Variants in CSMD1 observed in about 807,000 individuals in gnomAD.
CSMD1 encodes CUB and Sushi multiple domains 1.
In CSMD1, 213 loss-of-function variants were observed where a neutral mutation model predicts 417.5. That is an observed-to-expected ratio of 0.51 (90% CI 0.46 to 0.57). The LOEUF (loss-of-function observed/expected upper bound fraction) is 0.57. Ranked by LOEUF, CSMD1 falls within the 20% of genes least tolerant of loss-of-function variation. CSMD1 has a pLI of 0.00. For missense variants in CSMD1, 6,923 were observed against 4,529.7 expected (o/e 1.53, Z -15.17); for synonymous variants, 2,862 against 1,736.8 (o/e 1.65, Z -16.11).
chr8:4,796,234 G>A (rs1797973202), intron 1 of CSMD1, among the ~76,000 whole-genome samples: 1 of 151,966 alleles, frequency 6.6e-6, no homozygotes, highest in Non-Finnish European at 1.5e-5. Context: ...AAGCCTGCAT[G>A]AAAATGCCTC....
chr8:4,865,808 G>T (rs879943988), intron 1 of CSMD1, among the ~76,000 whole-genome samples: 1 of 151,608 alleles, frequency 6.6e-6, no homozygotes, highest in Non-Finnish European at 1.5e-5. Flanking sequence ...TTTTTAAAAG[G>T]TCCTCCTTTA....
chr8:4,317,724 A>C (rs917112191), intron 3 of CSMD1, among the ~76,000 whole-genome samples: 13 of 152,204 alleles, frequency 8.5e-5, no homozygotes, highest in African/African-American at 2.9e-4. Context: ...GCGATAGCTC[A>C]GCTGAGTACA....
intron 5 of CSMD1, among the ~76,000 whole-genome samples, chr8:3,993,162 G>A (rs1814890709): frequency 6.6e-6 from 1 of 152,228 alleles, no homozygotes; most frequent in Admixed American, 6.5e-5. Flanking sequence ...TATGTAAGAT[G>A]TTCACATGAA....
chr8:3,687,618 G>C (rs142848170), intron 7 of CSMD1, among the ~76,000 whole-genome samples: 36 of 152,232 alleles, frequency 2.4e-4, no homozygotes, highest in Non-Finnish European at 4.9e-4. Flanking sequence ...ATTTCAGTGG[G>C]TTCCGAGCAC....
chr8:3,662,596 C>A (rs957410861), intron 7 of CSMD1, among the ~76,000 whole-genome samples: 3 of 152,200 alleles, frequency 2.0e-5, no homozygotes, highest in Admixed American at 6.5e-5. Context: ...TCTGGTTCTA[C>A]ATCCTTGAAG....
At chr8:4,129,328 G>T (rs764626336) in intron 3 of CSMD1, among the ~76,000 whole-genome samples, 19 of 152,022 alleles carry the variant, frequency 1.2e-4, no homozygotes, top group African/African-American at 3.9e-4. Flanking sequence ...TGGAGCCTGG[G>T]AATTCATTTT....
At chr8:4,276,392 CAT>C (rs1336941774) in intron 3 of CSMD1, among the ~76,000 whole-genome samples, 10 of 152,238 alleles carry the variant, frequency 6.6e-5, no homozygotes, top group East Asian at 1.9e-4. Context: ...CTAAACACCA[CAT>C]GTTTTCACTC....
intron 5 of CSMD1, among the ~76,000 whole-genome samples, chr8:3,910,964 G>C (rs1486590576): frequency 1.3e-5 from 2 of 152,136 alleles, no homozygotes; most frequent in Non-Finnish European, 2.9e-5. Context: ...GCTTTCTTGG[G>C]CATATTTCTG....
chr8:3,707,810 G>C (rs1407401173), intron 7 of CSMD1, among the ~76,000 whole-genome samples: 1 of 152,208 alleles, frequency 6.6e-6, no homozygotes, highest in Non-Finnish European at 1.5e-5. Context: ...CTATGGCTGA[G>C]TGATGACGAT....
At chr8:3,340,222 A>G (rs59150012) in intron 23 of CSMD1, among the ~76,000 whole-genome samples, 7,750 of 152,266 alleles carry the variant, frequency 0.051, 628 homozygotes, top group African/African-American at 0.18. Flanking sequence ...AATTACTAAA[A>G]TATCTGAAGA....
At chr8:4,634,987 T>C (rs4875371) in intron 2 of CSMD1, among the ~76,000 whole-genome samples, 18,150 of 152,204 alleles carry the variant, frequency 0.12, 1,193 homozygotes, top group Non-Finnish European at 0.15. Flanking sequence ...CAAAATGGCA[T>C]TCTACGTATG....
At chr8:4,677,613 T>C (rs751159699) in intron 1 of CSMD1, among the ~76,000 whole-genome samples, 1 of 152,218 alleles carries the variant, frequency 6.6e-6, no homozygotes, top group Non-Finnish European at 1.5e-5. Context: ...CATTTATCAC[T>C]GCTGCATTTT....
chr8:3,203,513 G>C (rs752336322), intron 31 of CSMD1, among the ~76,000 whole-genome samples: 4 of 152,190 alleles, frequency 2.6e-5, no homozygotes, highest in Admixed American at 6.5e-5. Context: ...ATTAGTGGAA[G>C]AATGGAATAT....
intron 3 of CSMD1, among the ~76,000 whole-genome samples, chr8:4,047,727 T>C (rs1585202597): frequency 6.6e-6 from 1 of 152,010 alleles, no homozygotes; most frequent in South Asian, 2.1e-4. Context: ...TTAAATGCTA[T>C]GGAGAAAAAT....
At chr8:3,624,599 G>GT (rs1796405537) in intron 7 of CSMD1, among the ~76,000 whole-genome samples, 1 of 152,166 alleles carries the variant, frequency 6.6e-6, no homozygotes, top group African/African-American at 2.4e-5. Flanking sequence ...GGTGACGTAT[G>GT]TTTTTATCTG....
chr8:3,551,578 GTATATA>G (rs55961739), intron 10 of CSMD1, among the ~76,000 whole-genome samples: 1 of 117,696 alleles, frequency 8.5e-6, no homozygotes. Flanking sequence ...TAATAAATAT[GTATATA>G]TATATATATA....
intron 5 of CSMD1, among the ~76,000 whole-genome samples, chr8:3,890,732 C>G (rs1426402220): frequency 5.9e-5 from 9 of 152,278 alleles, no homozygotes; most frequent in Non-Finnish European, 1.3e-4. Context: ...GAGCATGATG[C>G]AAGTTAGCAT....
intron 2 of CSMD1, among the ~76,000 whole-genome samples, chr8:4,437,481 C>A (rs961726096): frequency 3.3e-5 from 5 of 152,116 alleles, no homozygotes; most frequent in Non-Finnish European, 5.9e-5. Context: ...TGAAAAGTTT[C>A]CTCTCAAGAT....
intron 3 of CSMD1, among the ~76,000 whole-genome samples, chr8:4,178,354 GA>G (rs1798172280): frequency 6.6e-6 from 1 of 150,970 alleles, no homozygotes; most frequent in East Asian, 1.9e-4. Flanking sequence ...AATAGATGCA[GA>G]AAAGGCCTTT....
Sources: gnomAD v4.1 joint callset for allele counts (sites outside exome capture counted in the v4.1 genomes callset) on GRCh38, gnomAD v4.1.1 for gene constraint, MANE v1.5 for transcripts, NCBI Gene and HGNC (gene_info 2026-07-23, HGNC 2026-07-21) for gene names.